The following SV2C variants were observed in gnomAD, a reference collection of about 807,000 sequenced individuals.
SV2C encodes synaptic vesicle glycoprotein 2C.
SV2C carries 49 observed loss-of-function variants against 79.7 expected under a neutral mutation model. That is an observed-to-expected ratio of 0.61 (90% CI 0.49 to 0.78). The LOEUF is 0.78. Among genes scored for constraint, SV2C ranks in the 30% least tolerant of loss-of-function variants. The probability of loss-of-function intolerance (pLI) is 0.00; values close to 1 mark genes in which losing one functional copy is unlikely to be tolerated. For missense variants in SV2C, 833 were observed against 912.9 expected, an observed-to-expected ratio of 0.91 and a Z score of 1.13; for synonymous variants, 334 against 333.2, an observed-to-expected ratio of 1.00 and a Z score of -0.03.
At chr5:76,162,256 CT>C (rs1275166144) in intron 2 of SV2C, among the ~76,000 whole-genome samples, 2 of 152,136 alleles carry the variant, frequency 1.3e-5, no homozygotes, top group Non-Finnish European at 2.9e-5. Flanking sequence ...CTAGTACACT[CT>C]TTTTTCCCTG....
At chr5:76,017,235 C>G in the SV2C span, among the ~76,000 whole-genome samples, 2 of 152,122 alleles carry the variant, frequency 1.3e-5, no homozygotes, top group Non-Finnish European at 2.9e-5. Flanking sequence ...TCCACAGTGT[C>G]TAATATTTTA....
chr5:75,852,292 A>T, the SV2C span, among the ~76,000 whole-genome samples: 4 of 152,152 alleles, frequency 2.6e-5, no homozygotes, highest in African/African-American at 7.2e-5. Flanking sequence ...CTGCACATGT[A>T]CCCCAGAACT....
chr5:76,284,017 C>T (rs1747271954), intron 4 of SV2C, among the ~76,000 whole-genome samples: 1 of 152,130 alleles, frequency 6.6e-6, no homozygotes, highest in South Asian at 2.1e-4. Context: ...ATATAAATAC[C>T]AAGCATTGCT....
At chr5:75,911,177 A>T in the SV2C span, 1 of 1,593,762 alleles carries the variant, frequency 6.3e-7, no homozygotes, top group East Asian at 2.2e-5. Context: ...GAGGAAGAAG[A>T]GCCTCTACCA....
the SV2C span, among the ~76,000 whole-genome samples, chr5:75,852,837 A>AAAAAAG: frequency 1.4e-5 from 2 of 145,682 alleles, no homozygotes; most frequent in African/African-American, 5.4e-5. Flanking sequence ...AAAAAAAAAA[A>AAAAAAG]AAAAAAGAAA....
chr5:76,036,112 T>C, the SV2C span, among the ~76,000 whole-genome samples: 74 of 152,034 alleles, frequency 4.9e-4, 1 homozygote, highest in African/African-American at 1.6e-3. Flanking sequence ...TCTTCCTCCA[T>C]CCTTTTATTT....
the SV2C span, among the ~76,000 whole-genome samples, chr5:76,055,758 A>G: frequency 6.6e-6 from 1 of 152,062 alleles, no homozygotes; most frequent in South Asian, 2.1e-4. Flanking sequence ...TCTTTGTAGC[A>G]GTTGTTAATG....
intron 4 of SV2C, among the ~76,000 whole-genome samples, chr5:76,249,270 A>T (rs182819701): frequency 6.6e-6 from 1 of 152,160 alleles, no homozygotes; most frequent in South Asian, 2.1e-4. Flanking sequence ...AGTTTATGAA[A>T]ATGTTAAGTG....
upstream of SV2C, among the ~76,000 whole-genome samples, chr5:76,082,634 A>AC (rs70979367): frequency 0.035 from 3,836 of 110,830 alleles, 89 homozygotes; most frequent in Non-Finnish European, 0.047. Context: ...CTCTCTCTCC[A>AC]CCCCCCCCCC....
the SV2C span, among the ~76,000 whole-genome samples, chr5:76,073,503 GTATATATATATATATATATA>G: frequency 3.0e-3 from 205 of 67,460 alleles, 3 homozygotes; most frequent in African/African-American, 0.01. Flanking sequence ...GTATGTGTGT[GTATATATATATATATATATA>G]TATATATATA....
At chr5:76,276,156 A>C (rs1191198506) in intron 4 of SV2C, among the ~76,000 whole-genome samples, 1 of 152,204 alleles carries the variant, frequency 6.6e-6, no homozygotes, top group South Asian at 2.1e-4. Flanking sequence ...AAGCCACTTA[A>C]AATGGAGCTC....
the SV2C span, among the ~76,000 whole-genome samples, chr5:75,875,250 A>C: frequency 8.5e-5 from 13 of 152,304 alleles, no homozygotes; most frequent in Non-Finnish European, 1.8e-4. Flanking sequence ...CCAATAGAAC[A>C]GAATAGAGAG....
At chr5:76,244,162 C>T (rs1234694476) in intron 4 of SV2C, among the ~76,000 whole-genome samples, 1 of 152,224 alleles carries the variant, frequency 6.6e-6, no homozygotes, top group Non-Finnish European at 1.5e-5. Context: ...CTTTGTCTCA[C>T]TTACTACTCT....
chr5:76,320,260 A>T (rs927914882), intron 12 of SV2C, among the ~76,000 whole-genome samples: 27 of 152,098 alleles, frequency 1.8e-4, no homozygotes, highest in African/African-American at 6.5e-4. Context: ...TGGAAACAGT[A>T]AAAAGATTGG....
intron 2 of SV2C, among the ~76,000 whole-genome samples, chr5:76,132,635 A>T (rs1244262545): frequency 6.6e-6 from 1 of 152,144 alleles, no homozygotes; most frequent in East Asian, 1.9e-4. Context: ...TATTTTTATC[A>T]TAGTTGCATT....
the SV2C span, among the ~76,000 whole-genome samples, chr5:76,007,987 A>C: frequency 6.6e-6 from 1 of 152,144 alleles, no homozygotes; most frequent in Admixed American, 6.5e-5. Flanking sequence ...AAAGAAACCT[A>C]ATGCCGGTGG....
In SV2C at chr5:76,164,721, AGT is replaced by A. The variant is rs10651569; in HGVS notation, c.581-30169_581-30168del. ...TTTGCTACTGTTGGGGATGGAACTCAGTGTGTGTGTGTGTGTGTGTGTGTGTG... is the reference window on the plus strand; with the variant it reads ...TTTGCTACTGTTGGGGATGGAACTCAGTGTGTGTGTGTGTGTGTGTGTGTG... On this transcript the variant is annotated intron_variant, in intron 2 of 12. Transcript: ENST00000502798. Among the ~76,000 whole-genome samples, 358 of 141,822 alleles carry A rather than the reference AGT, an allele frequency of 2.5e-3. 2 individuals carry two copies. Among genetic ancestry groups the A allele is most frequent in the Middle Eastern group, 7.0e-3 (2 of 286 alleles). 93.0% of individuals were successfully genotyped at this position (141,822 alleles called of 152,430 possible). A position where few individuals can be genotyped will look rare whatever the true frequency, so the allele number is the denominator to read the frequency against.
the SV2C span, among the ~76,000 whole-genome samples, chr5:76,031,770 A>G: frequency 6.6e-6 from 1 of 152,228 alleles, no homozygotes. Context: ...ATTAGTTGAC[A>G]TTAGAAATTA....
At chr5:76,257,301 T>G (rs1481696163) in intron 4 of SV2C, among the ~76,000 whole-genome samples, 1 of 147,110 alleles carries the variant, frequency 6.8e-6, no homozygotes, top group East Asian at 2.1e-4. Flanking sequence ...AGTGTGTGTG[T>G]GGTATCTGTA....
Sources: allele counts gnomAD v4.1 joint callset (sites outside exome capture counted in the v4.1 genomes callset), GRCh38; gene constraint gnomAD v4.1.1; transcripts MANE v1.5; gene names NCBI Gene and HGNC (gene_info 2026-07-23, HGNC 2026-07-21).